The following SMYD3 variants were observed in gnomAD, a reference collection of about 807,000 sequenced individuals.
SMYD3 encodes the protein SET and MYND domain containing 3, also known as histone-lysine N-methyltransferase SMYD3.
A neutral mutation model predicts 57.7 loss-of-function variants in SMYD3; 36 were observed. That is an observed-to-expected ratio of 0.62 (90% CI 0.48 to 0.82). The LOEUF (loss-of-function observed/expected upper bound fraction) is 0.82, where lower values mean the gene tolerates loss of function less well. Among genes scored for constraint, SMYD3 ranks in the 40% least tolerant of loss-of-function variants. The pLI is 0.00. For missense variants in SMYD3, 515 were observed against 538.8 expected (o/e 0.96, Z 0.44); for synonymous variants, 211 against 195.0 (o/e 1.08, Z -0.68).
intron 8 of SMYD3, among the ~76,000 whole-genome samples, chr1:245,880,106 G>A (rs527979622): frequency 3.3e-5 from 5 of 152,282 alleles, no homozygotes; most frequent in East Asian, 1.9e-4. Context: ...GCACAGGTGC[G>A]TTGCTGTACA....
At chr1:246,238,476 CAGAT>C (rs1444646456) in intron 5 of SMYD3, among the ~76,000 whole-genome samples, 1 of 152,122 alleles carries the variant, frequency 6.6e-6, no homozygotes, top group Non-Finnish European at 1.5e-5. Flanking sequence ...TTTTTGGAGA[CAGAT>C]AGTCAACAGG....
chr1:246,441,927 A>G (rs1414541663), intron 1 of SMYD3, among the ~76,000 whole-genome samples: 1 of 152,190 alleles, frequency 6.6e-6, no homozygotes, highest in African/African-American at 2.4e-5. Flanking sequence ...TCTCTTTACT[A>G]TCTTTGATGT....
chr1:245,830,678 G>A (rs1412663931), intron 10 of SMYD3, among the ~76,000 whole-genome samples: 1 of 152,156 alleles, frequency 6.6e-6, no homozygotes, highest in Admixed American at 6.5e-5. Context: ...ACTACTGTAG[G>A]AAGTAGAAAG....
rs369615107 is a variant in SMYD3 at position 246,473,728 on chromosome 1, C to G, written c.164+33326G>C. On this transcript the variant is annotated intron_variant, in intron 1 of 11. Transcript: ENST00000490107. ...TAAGAGAAGAGGCGGAACACATATG[C>G]CTCAATCCCTTCAGAGTTTGTTTTT... Among the ~76,000 whole-genome samples, 5 of 152,144 alleles carry G rather than the reference C, an allele frequency of 3.3e-5. 1 individual carries two copies. Among genetic ancestry groups the G allele is most frequent in the African/African-American group, 9.7e-5 (4 of 41,414 alleles).
intron 1 of SMYD3, among the ~76,000 whole-genome samples, chr1:246,449,813 C>G (rs912558587): frequency 2.6e-5 from 4 of 152,122 alleles, no homozygotes; most frequent in African/African-American, 9.7e-5. Context: ...AACCTTTAAT[C>G]CTGTGAGTAT....
chr1:246,240,360 T>A (rs1003954995), intron 5 of SMYD3, among the ~76,000 whole-genome samples: 2 of 152,204 alleles, frequency 1.3e-5, no homozygotes, highest in Non-Finnish European at 2.9e-5. Flanking sequence ...CTTTCCCCCA[T>A]TTCTTGTTTT....
At chr1:245,958,656 T>G (rs2057918108) in intron 5 of SMYD3, among the ~76,000 whole-genome samples, 1 of 152,250 alleles carries the variant, frequency 6.6e-6, no homozygotes, top group Admixed American at 6.5e-5. Context: ...CTGATTTACT[T>G]GTCTGTTTCT....
intron 1 of SMYD3, among the ~76,000 whole-genome samples, chr1:246,463,152 T>C (rs1000172425): frequency 2.0e-5 from 3 of 150,360 alleles, no homozygotes; most frequent in African/African-American, 7.3e-5. Flanking sequence ...CCGAGAACAG[T>C]AGCTAGGAGG....
At chr1:245,856,910 A>C (rs1043575722) in intron 10 of SMYD3, among the ~76,000 whole-genome samples, 1 of 152,216 alleles carries the variant, frequency 6.6e-6, no homozygotes, top group Non-Finnish European at 1.5e-5. Context: ...TGGCTTCCTC[A>C]GAGCAAGCCC....
chr1:245,868,437 G>A (rs1198564925), intron 8 of SMYD3, among the ~76,000 whole-genome samples: 1 of 152,052 alleles, frequency 6.6e-6, no homozygotes, highest in African/African-American at 2.4e-5. Flanking sequence ...ATTCTAAGAG[G>A]AGAGTAAAAT....
At chr1:245,879,108 G>T (rs918816133) in intron 8 of SMYD3, among the ~76,000 whole-genome samples, 1 of 152,162 alleles carries the variant, frequency 6.6e-6, no homozygotes, top group African/African-American at 2.4e-5. Flanking sequence ...GATAATGAGG[G>T]CACGGTAGTC....
At chr1:246,012,199 C>A (rs2059294330) in intron 5 of SMYD3, among the ~76,000 whole-genome samples, 1 of 152,166 alleles carries the variant, frequency 6.6e-6, no homozygotes. Context: ...AAATAGAAAG[C>A]CTTAGGCTCC....
At position 246,348,077 on chromosome 1, in the gene SMYD3, T is replaced by TATATATATATATATATATATATACACAC; in HGVS notation, c.228+6953_228+6954insGTGTGTATATATATATATATATATATAT. ...AGAAAACGTTATATATATATATATA[T>TATATATATATATATATATATATACACAC]ACACACACACCATCAAATACTATGA... On this transcript the variant is annotated intron_variant, in intron 2 of 11. Transcript: ENST00000490107. Among the ~76,000 whole-genome samples, 6 of 86,484 alleles carry TATATATATATATATATATATATACACAC rather than the reference T, an allele frequency of 6.9e-5. 1 individual carries two copies. The highest frequency in any genetic ancestry group is 1.6e-4 in the Non-Finnish European group (6 of 38,398). 56.7% of individuals were successfully genotyped at this position (86,484 alleles called of 152,430 possible).
chr1:245,763,074 G>A (rs573595818), intron 11 of SMYD3, among the ~76,000 whole-genome samples: 3 of 152,302 alleles, frequency 2.0e-5, no homozygotes, highest in South Asian at 2.1e-4. Flanking sequence ...GGGCTCCTCC[G>A]GGCAGAGGAG....
intron 8 of SMYD3, among the ~76,000 whole-genome samples, chr1:245,877,464 T>A (rs2052548769): frequency 6.6e-6 from 1 of 152,196 alleles, no homozygotes; most frequent in Non-Finnish European, 1.5e-5. Context: ...ACGTGGAAAA[T>A]ACACTTGCAG....
chr1:245,909,174 C>A (rs556646977), intron 8 of SMYD3, among the ~76,000 whole-genome samples: 1 of 152,232 alleles, frequency 6.6e-6, no homozygotes, highest in South Asian at 2.1e-4. Context: ...CTGTTAGCAA[C>A]AACTGTATGC....
chr1:246,305,448 GA>G lies in SMYD3; in HGVS notation c.531+21752del, dbSNP rs369320339. On this transcript the variant is annotated intron_variant, in intron 5 of 11. Transcript: ENST00000490107. ...CTAATTTCACAGCTTTGTTACATTA[GA>G]AAAAAAAGTTAATGGTCAATTCAGG... Among the ~76,000 whole-genome samples, 316 of 151,868 alleles carry G rather than the reference GA, an allele frequency of 2.1e-3. 2 individuals carry two copies. The highest frequency in any genetic ancestry group is 7.0e-3 in the African/African-American group (291 of 41,452).
chr1:246,183,882 G>GT (rs1172890162), intron 5 of SMYD3, among the ~76,000 whole-genome samples: 1 of 152,196 alleles, frequency 6.6e-6, no homozygotes, highest in Non-Finnish European at 1.5e-5. Context: ...AGAAACAGCA[G>GT]TGTTTACACC....
At chr1:245,800,410 A>G (rs889926670) in intron 10 of SMYD3, among the ~76,000 whole-genome samples, 1 of 152,086 alleles carries the variant, frequency 6.6e-6, no homozygotes, top group Non-Finnish European at 1.5e-5. Context: ...GTCTAGTGAT[A>G]GGGTTATATA....
Sources: allele counts gnomAD v4.1 joint callset (sites outside exome capture counted in the v4.1 genomes callset), GRCh38; gene constraint gnomAD v4.1.1; transcripts MANE v1.5; gene names NCBI Gene and HGNC (gene_info 2026-07-23, HGNC 2026-07-21).